The following ATP8A2 variants were observed in gnomAD, a reference collection of about 807,000 sequenced individuals.
ATP8A2 encodes phospholipid-transporting ATPase IB.
ATP8A2 carries 100 observed loss-of-function variants against 165.6 expected under a neutral mutation model. That is an observed-to-expected ratio of 0.60 (90% CI 0.51 to 0.71). The LOEUF is 0.71. ATP8A2 is among the 30% of genes least tolerant of loss of function. ATP8A2 has a pLI of 0.00. For missense variants in ATP8A2, 1,227 were observed against 1,479.5 expected (o/e 0.83, Z 2.80); for synonymous variants, 543 against 548.8 (o/e 0.99, Z 0.15).
chr13:25,553,590 G>A (rs1214307778), intron 11 of ATP8A2, among the ~76,000 whole-genome samples: 4 of 152,168 alleles, frequency 2.6e-5, no homozygotes, highest in East Asian at 3.8e-4. Context: ...TTCCCGCTAC[G>A]TCCTGTGAGC....
chr13:25,652,220 A>C (rs1349584627), intron 24 of ATP8A2, among the ~76,000 whole-genome samples: 1 of 152,210 alleles, frequency 6.6e-6, no homozygotes, highest in African/African-American at 2.4e-5. Flanking sequence ...TTCTTGATGC[A>C]CAATCAGGTT....
chr13:25,468,729 C>CCGGCCT, intron 1 of ATP8A2: 2 of 636,362 alleles, frequency 3.1e-6, no homozygotes, highest in South Asian at 6.9e-5. Context: ...CGGGGCGGGG[C>CCGGCCT]TCGCTCCACA....
At chr13:25,606,971 A>G (rs1385883104) in intron 24 of ATP8A2, among the ~76,000 whole-genome samples, 1 of 152,102 alleles carries the variant, frequency 6.6e-6, no homozygotes, top group Non-Finnish European at 1.5e-5. Context: ...CCTGTTAGGA[A>G]CTGGGCCACA....
chr13:25,802,234 G>T (rs1470719634), intron 27 of ATP8A2, among the ~76,000 whole-genome samples: 1 of 152,152 alleles, frequency 6.6e-6, no homozygotes, highest in African/African-American at 2.4e-5. Context: ...TGAACAATGA[G>T]TAATGGCAGG....
chr13:25,574,464 T>TAG (rs1333698594), intron 18 of ATP8A2, among the ~76,000 whole-genome samples: 1 of 152,234 alleles, frequency 6.6e-6, no homozygotes, highest in Admixed American at 6.5e-5. Flanking sequence ...GACATTATGA[T>TAG]AGATGGTCTA....
At chr13:25,678,088 G>C (rs758082214) in intron 24 of ATP8A2, among the ~76,000 whole-genome samples, 3 of 151,902 alleles carry the variant, frequency 2.0e-5, no homozygotes. Context: ...AGAAGATAGA[G>C]TGGATAAGTA....
At position 25,571,863 on chromosome 13, in the gene ATP8A2, G is replaced by A; in HGVS notation, c.1662+171G>A. On this transcript the variant is annotated intron_variant, in intron 18 of 36. Coordinates refer to ENST00000381655, the MANE Select transcript of ATP8A2 (RefSeq NM_016529.6). ...TATATTAGCTTGTTCGAGTTGTTTT[G>A]CATTGCAGTATTGTTTTCCCCTTCA... 4 of 695,602 alleles carry A rather than the reference G, an allele frequency of 5.8e-6. 1 individual carries two copies. The Middle Eastern group carries it at 8.3e-4, about 144-fold the overall frequency. The allele number at this position is 695,602 out of a possible 1,614,324, so 43.1% of individuals were successfully genotyped here.
intron 23 of ATP8A2, among the ~76,000 whole-genome samples, chr13:25,585,707 C>A (rs1023000910): frequency 6.6e-6 from 1 of 152,148 alleles, no homozygotes; most frequent in East Asian, 1.9e-4. Context: ...ACTTGCCCCT[C>A]CTGTAATTGC....
intron 35 of ATP8A2, among the ~76,000 whole-genome samples, chr13:25,991,213 C>T (rs1186962717): frequency 6.6e-6 from 1 of 152,144 alleles, no homozygotes; most frequent in African/African-American, 2.4e-5. Flanking sequence ...TGCAGAAAAA[C>T]ATGAAATAAA....
chr13:25,541,054 G>A (rs938199820), intron 8 of ATP8A2, among the ~76,000 whole-genome samples: 1 of 151,750 alleles, frequency 6.6e-6, no homozygotes, highest in Non-Finnish European at 1.5e-5. Flanking sequence ...TAGTAGAGAT[G>A]GGGTTTCACC....
At chr13:25,747,317 AAGG>A (rs746585056) in intron 25 of ATP8A2, among the ~76,000 whole-genome samples, 9 of 152,216 alleles carry the variant, frequency 5.9e-5, no homozygotes, top group Non-Finnish European at 1.3e-4. Context: ...TCATCTTCAT[AAGG>A]AGGACAGTAT....
chr13:25,839,678 G>A lies in ATP8A2; in HGVS notation c.2956+54G>A, dbSNP rs560019517. 77 of 1,462,758 alleles carry A rather than the reference G, an allele frequency of 5.3e-5. No individual in the cohort carries two copies. The East Asian group carries it at 8.6e-4, about 16-fold the overall frequency. The allele number at this position is 1,462,758 out of a possible 1,614,324, so 90.6% of individuals were successfully genotyped here. On this transcript the variant is annotated intron_variant, in intron 30 of 36. Transcript: ENST00000381655. Reference sequence around the variant, plus strand: ...CAAGGAGCTTTGCAGCCGCTCTGCTGCCTGTGTGTTCACAATTTTTTTTTC... The same window carrying A: ...CAAGGAGCTTTGCAGCCGCTCTGCTACCTGTGTGTTCACAATTTTTTTTTC...
intron 24 of ATP8A2, among the ~76,000 whole-genome samples, chr13:25,628,115 G>T (rs1485691701): frequency 6.6e-6 from 1 of 152,124 alleles, no homozygotes; most frequent in Non-Finnish European, 1.5e-5. Flanking sequence ...GTGTGGCTAT[G>T]GTTCCACAAA....
intron 24 of ATP8A2, among the ~76,000 whole-genome samples, chr13:25,610,883 CTT>C (rs56730760): frequency 7.5e-5 from 9 of 120,648 alleles, no homozygotes; most frequent in Non-Finnish European, 9.9e-5. Flanking sequence ...AGGTATATTC[CTT>C]TTTTTTTTTT....
chr13:25,551,210 G>A, intron 10 of ATP8A2, 128 bp from the exon 11 acceptor site: 1 of 858,502 alleles, frequency 1.2e-6, no homozygotes, highest in Non-Finnish European at 1.8e-6. Flanking sequence ...GAATTGCATT[G>A]ATTATTTGGC....
intron 24 of ATP8A2, among the ~76,000 whole-genome samples, chr13:25,624,268 G>T (rs1264805765): frequency 6.6e-6 from 1 of 152,264 alleles, no homozygotes; most frequent in Middle Eastern, 3.4e-3. Context: ...TATGACTTTG[G>T]CAGAGATGGT....
At chr13:25,408,404 G>T (rs2033871429) in intron 1 of ATP8A2, among the ~76,000 whole-genome samples, 1 of 138,274 alleles carries the variant, frequency 7.2e-6, no homozygotes, top group East Asian at 2.2e-4. Flanking sequence ...AAAAAAAAAA[G>T]CTTGTGCAGG....
rs114730147 is a variant in ATP8A2, at chr13:25,494,157, A to G, written c.221+25036A>G. Among the ~76,000 whole-genome samples, 757 of 152,256 alleles carry G rather than the reference A, an allele frequency of 5.0e-3. 5 individuals are homozygous for G. Among genetic ancestry groups the G allele is most frequent in the African/African-American group, 0.018 (734 of 41,546 alleles). On this transcript the variant is annotated intron_variant, in intron 2 of 36. Transcript: ENST00000381655. ...GGAGCTGTCCAAGGTCTGTGGCACCAAGAACCTAGGTGACATCAGAAAACA... is the reference window on the plus strand; with the variant it reads ...GGAGCTGTCCAAGGTCTGTGGCACCGAGAACCTAGGTGACATCAGAAAACA...
At chr13:25,498,180 G>C (rs979242653) in intron 2 of ATP8A2, among the ~76,000 whole-genome samples, 1 of 152,148 alleles carries the variant, frequency 6.6e-6, no homozygotes, top group African/African-American at 2.4e-5. Flanking sequence ...TGCAGTGCTG[G>C]AGAGATAAAC....
Sources: allele counts gnomAD v4.1 joint callset (sites outside exome capture counted in the v4.1 genomes callset), GRCh38; gene constraint gnomAD v4.1.1; transcripts MANE v1.5; gene names NCBI Gene and HGNC (gene_info 2026-07-23, HGNC 2026-07-21).